Variants in NCBP1 observed in about 807,000 individuals in gnomAD.
The protein encoded by NCBP1 is nuclear cap binding protein subunit 1.
Under a neutral mutation model 111.7 loss-of-function variants are expected in NCBP1, and 16 were observed. That is an observed-to-expected ratio of 0.14 (90% CI 0.10 to 0.22). The LOEUF (loss-of-function observed/expected upper bound fraction) is 0.22. Ranked by LOEUF, NCBP1 falls within the 10% of genes least tolerant of loss-of-function variation. NCBP1 has a pLI of 1.00. For missense variants in NCBP1, 607 were observed against 957.5 expected (o/e 0.63, Z 4.83); for synonymous variants, 304 against 314.3 (o/e 0.97, Z 0.35).
Position 97,661,041 on chromosome 9 carries a change from C to T in NCBP1, c.1573C>T (p.Pro525Ser). ...DEIFSILKDV[P>S]NPNQDDDDDE... ...AATCTTCAGCATTCTGAAAGATGTA[C>T]CAAATCCTAACCAGGATGATGACGA... The change falls in exon 16 of 23, where the codon CCA becomes TCA. Residue 525 changes from proline to serine, a missense_variant. Transcript: ENST00000375147. The T allele has an allele frequency of 6.2e-7, 1 of 1,612,790 alleles. No homozygotes were observed. The highest frequency in any genetic ancestry group is 1.1e-5 in the South Asian group (1 of 91,036).
intron 6 of NCBP1, among the ~76,000 whole-genome samples, chr9:97,646,818 C>A (rs1460732848): frequency 8.5e-6 from 1 of 116,988 alleles, no homozygotes; most frequent in Non-Finnish European, 1.6e-5. Flanking sequence ...CCAGCCTGGG[C>A]AACAGAGTGA....
At chr9:97,646,711 C>T (rs373600132) in intron 6 of NCBP1, among the ~76,000 whole-genome samples, 2 of 151,826 alleles carry the variant, frequency 1.3e-5, no homozygotes, top group Non-Finnish European at 2.9e-5. Flanking sequence ...GTGGTGGGTG[C>T]CTGTAATCCC....
intron 1 of NCBP1, among the ~76,000 whole-genome samples, chr9:97,634,363 C>G (rs1034978323): frequency 6.6e-6 from 1 of 152,214 alleles, no homozygotes; most frequent in South Asian, 2.1e-4. Context: ...GCAGTCTGAA[C>G]TCTGTTCCGG....
chr9:97,649,876 T>C (rs956869596), intron 8 of NCBP1, among the ~76,000 whole-genome samples: 3 of 152,076 alleles, frequency 2.0e-5, no homozygotes, highest in African/African-American at 2.4e-5. Context: ...AAAATACATA[T>C]TACTCCCAAA....
At chr9:97,647,381 G>A in intron 6 of NCBP1, 111 bp from the exon 7 acceptor site, 1 of 761,058 alleles carries the variant, frequency 1.3e-6, no homozygotes, top group Non-Finnish European at 2.2e-6. Context: ...TGCCACTCCA[G>A]TAGGTAAAAT....
At position 97,662,987 on chromosome 9, in the gene NCBP1, T is replaced by C. The variant is rs576031865; in HGVS notation, c.1737T>C (p.Ser579=). 1 of 1,613,212 alleles carries C rather than the reference T, an allele frequency of 6.2e-7. No individual in the cohort carries two copies. The highest frequency in any genetic ancestry group is 1.1e-5 in the South Asian group (1 of 90,958). ...FHEVFKTLAE[S]DEGKLHVLRV... is the part of the protein sequence containing the mutation. ...AAGTCTTCAAAACCCTAGCTGAAAG[T>C]GATGAAGGAAAGTTACATGTGCTAA... The change falls in exon 18 of 23, where the codon AGT becomes AGC. Residue 579 remains serine (S), a synonymous_variant. Transcript: ENST00000375147.
At chr9:97,639,931 A>G (rs1827158747) in intron 1 of NCBP1, among the ~76,000 whole-genome samples, 1 of 146,346 alleles carries the variant, frequency 6.8e-6, no homozygotes, top group Non-Finnish European at 1.5e-5. Flanking sequence ...TTAGAATGGT[A>G]GATTTAAAAA....
chr9:97,668,715 T>TG (rs10712851), intron 20 of NCBP1, 131 bp from the exon 21 acceptor site: 46 of 906,252 alleles, frequency 5.1e-5, no homozygotes, highest in Admixed American at 6.9e-5. Flanking sequence ...GGTGGCGGGG[T>TG]GGGGGGGTAC....
chr9:97,647,478 AT>A lies in NCBP1; in HGVS notation c.612-9del. On this transcript the variant is annotated splice_polypyrimidine_tract_variant and intron_variant, in intron 6 of 22. Coordinates refer to ENST00000375147, the MANE Select transcript of NCBP1 (RefSeq NM_002486.5). ...TTTAAAAGCCTAAATGTAGATTTTC[AT>A]TTTTATCTTTAGAAGACGCCAAAAG... is the stretch of plus-strand genomic sequence containing the variant. 6.2e-7 allele frequency: 1 copy of A among 1,604,266 alleles called. No homozygotes were observed. The highest frequency in any genetic ancestry group is 8.5e-7 in the Non-Finnish European group (1 of 1,172,164).
intron 20 of NCBP1, 113 bp from the exon 21 acceptor site, chr9:97,668,733 A>G (rs1354648294): frequency 4.1e-6 from 5 of 1,206,398 alleles, no homozygotes; most frequent in South Asian, 3.5e-5. Flanking sequence ...TACTTTCACT[A>G]TAGAATATAA....
intron 14 of NCBP1, among the ~76,000 whole-genome samples, chr9:97,657,951 C>T (rs1827717978): frequency 7.0e-6 from 1 of 142,748 alleles, no homozygotes; most frequent in Non-Finnish European, 1.5e-5. Flanking sequence ...TTTAACGTCC[C>T]CAGCCATTCA....
chr9:97,658,566 T>C, intron 14 of NCBP1, 74 bp from the exon 15 acceptor site: 5 of 1,120,510 alleles, frequency 4.5e-6, no homozygotes, highest in Non-Finnish European at 6.8e-6. Flanking sequence ...ATCATGACTT[T>C]CCAGGTAAGT....
chr9:97,661,210 G>T, intron 16 of NCBP1, 142 bp downstream of exon 16: 2 of 902,172 alleles, frequency 2.2e-6, no homozygotes, highest in Non-Finnish European at 3.2e-6. Context: ...TAGCACCCCA[G>T]GTATTTTCCC....
chr9:97,655,957 G>T, intron 13 of NCBP1, 54 bp from the exon 14 acceptor site: 1 of 1,497,984 alleles, frequency 6.7e-7, no homozygotes, highest in South Asian at 1.1e-5. Context: ...TAGTACAAAT[G>T]GGTGTAAGTG....
chr9:97,656,039 A>G lies in NCBP1; in HGVS notation c.1327A>G (p.Ser443Gly), dbSNP rs767499468. ...AGATTGTCTTAGTCAAGATCCTGAAAGTCCCAAACCGAAGTTTGTAAGAGA... is the reference window on the plus strand; with the variant it reads ...AGATTGTCTTAGTCAAGATCCTGAAGGTCCCAAACCGAAGTTTGTAAGAGA... ...WSDCLSQDPE[S>G]PKPKFVREVL... Residue 443 changes from serine to glycine, a missense_variant, in exon 14 of 23, where the codon AGT (serine) becomes GGT (glycine). Ser to Gly is a moderately conservative substitution (Grantham distance 56). Coordinates refer to ENST00000375147, the MANE Select transcript of NCBP1 (RefSeq NM_002486.5). 1.9e-6 allele frequency: 3 copies of G among 1,614,092 alleles called. No individual in the cohort carries two copies. The highest frequency in any genetic ancestry group is 2.5e-6 in the Non-Finnish European group (3 of 1,179,974).
At chr9:97,662,915 T>A (rs1467147866) in intron 17 of NCBP1, 39 bp from the exon 18 acceptor site, 1 of 1,408,190 alleles carries the variant, frequency 7.1e-7, no homozygotes, top group African/African-American at 1.4e-5. Context: ...GTTTAATGAA[T>A]AAGTATATAT....
At position 97,671,256 on chromosome 9, in the gene NCBP1, A is replaced by G; in HGVS notation, c.*57A>G. 7.8e-7 allele frequency: 1 copy of G among 1,280,696 alleles called. No homozygotes were observed. The highest frequency in any genetic ancestry group is 2.4e-5 in the East Asian group (1 of 42,472). 79.3% of individuals were successfully genotyped at this position (1,280,696 alleles called of 1,614,324 possible). On this transcript the variant is annotated 3_prime_UTR_variant, in exon 23 of 23. Transcript: ENST00000375147. ...TTGATATCTTAAAATAATTTGTCTT[A>G]TTTTTTGATGGTTTGAATGCTTGCT...
chr9:97,666,817 C>T lies in NCBP1; in HGVS notation c.1956C>T (p.Val652=), dbSNP rs139317499. ...CAATTCGTAAGATGAACAAACATGTCCTGAAGATCCAGAAAGAGCTGGAAG... is the reference window on the plus strand; with the variant it reads ...CAATTCGTAAGATGAACAAACATGTTCTGAAGATCCAGAAAGAGCTGGAAG... ...HSTIRKMNKH[V]LKIQKELEEA... Residue 652 remains valine (V), a synonymous_variant, in exon 20 of 23, where the codon GTC becomes GTT. Transcript: ENST00000375147. 6 of 1,609,660 alleles carry T rather than the reference C, an allele frequency of 3.7e-6. No individual in the cohort carries two copies. In the East Asian group the frequency reaches 9.0e-5, roughly 24 times the overall value.
chr9:97,639,349 G>T (rs1827140719), intron 1 of NCBP1, among the ~76,000 whole-genome samples: 1 of 152,100 alleles, frequency 6.6e-6, no homozygotes, highest in African/African-American at 2.4e-5. Context: ...AGTTCATGTG[G>T]TATCTGAAGA....
Sources: allele counts gnomAD v4.1 joint callset (sites outside exome capture counted in the v4.1 genomes callset), GRCh38; gene constraint gnomAD v4.1.1; transcripts MANE v1.5; gene names NCBI Gene and HGNC (gene_info 2026-07-23, HGNC 2026-07-21).